Variants in NTM observed in about 807,000 individuals in gnomAD.
NTM encodes the protein IgLON family member 2.
In NTM, 13 loss-of-function variants were observed where a neutral mutation model predicts 42.1. That is an observed-to-expected ratio of 0.31 (90% CI 0.20 to 0.49). The LOEUF (loss-of-function observed/expected upper bound fraction) is 0.49. Ranked by LOEUF, NTM falls within the 20% of genes least tolerant of loss-of-function variation. The pLI is 0.99. For synonymous variants in NTM, 187 were observed against 179.2 expected, an observed-to-expected ratio of 1.04 and a Z score of -0.35; for missense variants, 373 against 452.8, an observed-to-expected ratio of 0.82 and a Z score of 1.60.
At chr11:131,658,858 C>G (rs1372477999) in intron 1 of NTM, among the ~76,000 whole-genome samples, 1 of 152,090 alleles carries the variant, frequency 6.6e-6, no homozygotes, top group Non-Finnish European at 1.5e-5. Flanking sequence ...GTAATCCCAG[C>G]TTCTCGGGAG....
intron 2 of NTM, among the ~76,000 whole-genome samples, chr11:131,921,503 C>T (rs1330838517): frequency 6.6e-6 from 1 of 152,186 alleles, no homozygotes; most frequent in Non-Finnish European, 1.5e-5. Flanking sequence ...CTTCTGGGCT[C>T]TAGAACTGTG....
chr11:131,841,631 A>G (rs1032272950), intron 1 of NTM, among the ~76,000 whole-genome samples: 11 of 152,206 alleles, frequency 7.2e-5, no homozygotes, highest in African/African-American at 2.7e-4. Flanking sequence ...AGAAAACAGA[A>G]AATGGAAATA....
chr11:131,658,617 C>T (rs544745368), intron 1 of NTM, among the ~76,000 whole-genome samples: 22 of 152,264 alleles, frequency 1.4e-4, no homozygotes, highest in Admixed American at 3.9e-4. Context: ...TCCTGGTCTG[C>T]GGAGAAACTT....
chr11:131,986,752 A>G (rs2066133402), intron 2 of NTM, among the ~76,000 whole-genome samples: 1 of 152,134 alleles, frequency 6.6e-6, no homozygotes, highest in African/African-American at 2.4e-5. Flanking sequence ...TACAGTTTTC[A>G]TTTAGGGCTC....
intron 1 of NTM, among the ~76,000 whole-genome samples, chr11:131,546,425 A>T (rs561447789): frequency 6.6e-6 from 1 of 152,216 alleles, no homozygotes; most frequent in East Asian, 1.9e-4. Context: ...ATCGCAAGAG[A>T]CCTGCTTTTA....
intron 1 of NTM, among the ~76,000 whole-genome samples, chr11:131,650,070 T>C (rs1182900581): frequency 6.6e-6 from 1 of 152,194 alleles, no homozygotes; most frequent in Non-Finnish European, 1.5e-5. Flanking sequence ...CTCTGGTTTC[T>C]GGAGGAGGGA....
At chr11:131,572,650 A>G (rs1386849125) in intron 1 of NTM, among the ~76,000 whole-genome samples, 1 of 152,134 alleles carries the variant, frequency 6.6e-6, no homozygotes, top group Non-Finnish European at 1.5e-5. Flanking sequence ...ATGCCAGACA[A>G]ACAACGCGAG....
chr11:132,192,408 G>A (rs955122097), intron 3 of NTM, among the ~76,000 whole-genome samples: 1 of 152,152 alleles, frequency 6.6e-6, no homozygotes, highest in Non-Finnish European at 1.5e-5. Context: ...TGTAACTTGT[G>A]AAACTAAGCT....
chr11:132,048,822 T>C (rs1038560747), intron 2 of NTM, among the ~76,000 whole-genome samples: 21 of 85,348 alleles, frequency 2.5e-4, no homozygotes, highest in East Asian at 2.3e-3. Context: ...TTTTTTCTTT[T>C]TTTTTTTTTT....
chr11:131,617,003 CA>C (rs2062006973), intron 1 of NTM, among the ~76,000 whole-genome samples: 1 of 152,178 alleles, frequency 6.6e-6, no homozygotes, highest in Non-Finnish European at 1.5e-5. Context: ...ACTGCTCAAT[CA>C]GCAGATTCCA....
intron 1 of NTM, among the ~76,000 whole-genome samples, chr11:131,731,721 T>G (rs942938774): frequency 1.3e-5 from 2 of 152,190 alleles, no homozygotes; most frequent in Non-Finnish European, 2.9e-5. Flanking sequence ...AGTTCAACTA[T>G]AGTGGGCAAG....
At chr11:131,376,326 A>G (rs1254326956) in intron 1 of NTM, among the ~76,000 whole-genome samples, 1 of 152,118 alleles carries the variant, frequency 6.6e-6, no homozygotes, top group East Asian at 1.9e-4. Flanking sequence ...CAGCTTCTAT[A>G]AGCTGTCTGT....
chr11:131,736,766 A>G (rs2080507200), intron 1 of NTM, among the ~76,000 whole-genome samples: 1 of 152,194 alleles, frequency 6.6e-6, no homozygotes, highest in South Asian at 2.1e-4. Context: ...TTAGGGTGGC[A>G]TAAGGGGAGA....
At chr11:132,009,217 G>C (rs112936282) in intron 2 of NTM, among the ~76,000 whole-genome samples, 10 of 152,128 alleles carry the variant, frequency 6.6e-5, no homozygotes, top group Admixed American at 6.5e-4. Flanking sequence ...CCTGAAATAC[G>C]CCTGTGCCTG....
At chr11:131,979,707 A>G (rs762466632) in intron 2 of NTM, among the ~76,000 whole-genome samples, 2 of 152,226 alleles carry the variant, frequency 1.3e-5, no homozygotes, top group Non-Finnish European at 2.9e-5. Flanking sequence ...CGGTACTACA[A>G]TGTCATTCTC....
intron 3 of NTM, among the ~76,000 whole-genome samples, chr11:132,182,448 T>G (rs145544614): frequency 6.6e-6 from 1 of 152,318 alleles, no homozygotes; most frequent in Non-Finnish European, 1.5e-5. Context: ...CTACGTGTCA[T>G]GTATAAAATC....
intron 1 of NTM, among the ~76,000 whole-genome samples, chr11:131,614,612 C>T (rs2061745330): frequency 6.6e-6 from 1 of 152,180 alleles, no homozygotes; most frequent in South Asian, 2.1e-4. Context: ...TGCCATTTGG[C>T]CCAGTTTTCT....
intron 2 of NTM, among the ~76,000 whole-genome samples, chr11:131,998,448 AC>A (rs927494051): frequency 6.6e-6 from 1 of 152,112 alleles, no homozygotes; most frequent in Admixed American, 6.5e-5. Flanking sequence ...GCTTGGGGCC[AC>A]CCTGGCCAGC....
chr11:131,405,271 C>T (rs1945685003), intron 1 of NTM, among the ~76,000 whole-genome samples: 1 of 152,172 alleles, frequency 6.6e-6, no homozygotes, highest in Non-Finnish European at 1.5e-5. Flanking sequence ...AATTTTATAT[C>T]AATGCCCAGA....
Sources: allele counts gnomAD v4.1 joint callset (sites outside exome capture counted in the v4.1 genomes callset), GRCh38; gene constraint gnomAD v4.1.1; transcripts MANE v1.5; gene names NCBI Gene and HGNC (gene_info 2026-07-23, HGNC 2026-07-21).